The following CPS1 variants were observed in gnomAD, a reference collection of about 807,000 sequenced individuals.
The protein encoded by CPS1 is carbamoyl-phosphate synthase [ammonia], mitochondrial.
A neutral mutation model predicts 174.6 loss-of-function variants in CPS1; 109 were observed. The ratio of observed to expected loss-of-function variants is 0.62; its 90% CI spans 0.53 to 0.73. The LOEUF is 0.73. CPS1 is among the 30% of genes least tolerant of loss of function. The pLI, the probability that CPS1 is intolerant of heterozygous loss-of-function variation, is 0.00. For synonymous variants in CPS1, 637 were observed against 632.0 expected (o/e 1.01, Z -0.12); for missense variants, 1,689 against 1,821.9 (o/e 0.93, Z 1.33).
intron 1 of CPS1, among the ~76,000 whole-genome samples, chr2:210,483,109 A>T (rs910288515): frequency 6.6e-6 from 1 of 152,148 alleles, no homozygotes; most frequent in Non-Finnish European, 1.5e-5. Flanking sequence ...ATACCCTTTC[A>T]TCTTGGGGCC....
rs565730008 is a variant in CPS1, at chr2:210,533,030, A to T, written c.4-23689A>T. 3.3e-5 allele frequency among the ~76,000 whole-genome samples: 5 copies of T among 152,256 alleles called. No individual in the cohort carries two copies. In the South Asian group the frequency reaches 1.0e-3, roughly 32 times the overall value. On this transcript the variant is annotated intron_variant, in intron 1 of 38. Transcript: ENST00000430249. ...AAACAAGGGGCCAATTAACTTGGGA[A>T]ATGTGGGGAAGAGCAACGGTGAGCG...
chr2:210,591,068 A>G (rs1052980713), intron 9 of CPS1, among the ~76,000 whole-genome samples, 162 bp downstream of exon 9: 3 of 151,202 alleles, frequency 2.0e-5, no homozygotes, highest in Non-Finnish European at 4.4e-5. Flanking sequence ...AAATAAATAA[A>G]TAAAATAAAA....
At chr2:210,629,054 CTA>C (rs1699781314) in intron 21 of CPS1, among the ~76,000 whole-genome samples, 1 of 152,112 alleles carries the variant, frequency 6.6e-6, no homozygotes, top group Non-Finnish European at 1.5e-5. Context: ...TCCCTATTTT[CTA>C]TGAGGCCTTA....
At chr2:210,498,228 C>G (rs1695053083) in intron 1 of CPS1, among the ~76,000 whole-genome samples, 2 of 151,798 alleles carry the variant, frequency 1.3e-5, no homozygotes, top group South Asian at 4.2e-4. Flanking sequence ...TGTATGTCTT[C>G]TTGTTAGAAG....
intron 1 of CPS1, among the ~76,000 whole-genome samples, chr2:210,491,265 T>G (rs1287133467): frequency 6.6e-6 from 1 of 151,762 alleles, no homozygotes; most frequent in Non-Finnish European, 1.5e-5. Flanking sequence ...TGTTGGATAT[T>G]TTGAAATGTT....
intron 21 of CPS1, among the ~76,000 whole-genome samples, chr2:210,635,272 C>T (rs1324574787): frequency 6.6e-6 from 1 of 152,124 alleles, no homozygotes; most frequent in Non-Finnish European, 1.5e-5. Context: ...GCTCTGTTCT[C>T]ATCCCTCCAC....
intron 1 of CPS1, among the ~76,000 whole-genome samples, chr2:210,525,384 C>A (rs1574492278): frequency 6.6e-6 from 1 of 151,942 alleles, no homozygotes; most frequent in East Asian, 1.9e-4. Flanking sequence ...CTTGTTCACT[C>A]ACCTGTCCTC....
At chr2:210,635,477 A>T (rs980346100) in intron 21 of CPS1, among the ~76,000 whole-genome samples, 1 of 152,226 alleles carries the variant, frequency 6.6e-6, no homozygotes, top group Non-Finnish European at 1.5e-5. Context: ...TGTAATCTGC[A>T]CTGTCTGACA....
At position 210,590,791 on chromosome 2, in the gene CPS1, CT is replaced by C. The variant is rs745402454; in HGVS notation, c.841-8del. The C allele has an allele frequency of 1.1e-5, 17 of 1,606,472 alleles. No individual in the cohort carries two copies. In the South Asian group the frequency reaches 1.5e-4, roughly 15 times the overall value. On this transcript the variant is annotated splice_region_variant and splice_polypyrimidine_tract_variant and intron_variant, in intron 8 of 37. Transcript: ENST00000233072. ...ACTAATTGGTTAATAAAAATTCTCC[CT>C]GATTTAGATTTTGGAGAGTGATCGC...
chr2:210,544,524 A>G (rs184815877), intron 1 of CPS1, among the ~76,000 whole-genome samples: 1 of 152,200 alleles, frequency 6.6e-6, no homozygotes, highest in East Asian at 1.9e-4. Flanking sequence ...ATTTAATATT[A>G]AAACTCCTAA....
At position 210,637,858 on chromosome 2, in the gene CPS1, CT is replaced by C; in HGVS notation, c.2829+19del. 3 of 1,613,610 alleles carry C rather than the reference CT, an allele frequency of 1.9e-6. No homozygotes were observed. Among genetic ancestry groups the C allele is most frequent in the Non-Finnish European group, 2.5e-6 (3 of 1,179,726 alleles). On this transcript the variant is annotated intron_variant, in intron 22 of 37. Transcript: ENST00000233072. Reference sequence around the variant, plus strand: ...GGGTTAAACAGGTAAAGGAGTTTCCCTTTTCCCCCATCCCCCACTGACAGGA... The same window carrying C: ...GGGTTAAACAGGTAAAGGAGTTTCCCTTTCCCCCATCCCCCACTGACAGGA...
intron 16 of CPS1, 24 bp downstream of exon 16, chr2:210,602,354 T>C (rs1420921245): frequency 6.2e-7 from 1 of 1,612,088 alleles, no homozygotes; most frequent in South Asian, 1.1e-5. Context: ...TAGACAATAT[T>C]CTTACCAACC....
At chr2:210,667,509 T>C (rs1280204312) in intron 33 of CPS1, among the ~76,000 whole-genome samples, 1 of 152,168 alleles carries the variant, frequency 6.6e-6, no homozygotes, top group Admixed American at 6.5e-5. Flanking sequence ...AACTTCTGTA[T>C]ACTCTAACAT....
At chr2:210,612,392 C>T (rs1699161839) in intron 20 of CPS1, 99 bp downstream of exon 20, 2 of 1,456,312 alleles carry the variant, frequency 1.4e-6, no homozygotes, top group East Asian at 4.7e-5. Flanking sequence ...GGTTTTAAAT[C>T]AGGGATTTTT....
chr2:210,676,925 AAG>A lies in CPS1; in HGVS notation c.4275-77_4275-76del. On this transcript the variant is annotated intron_variant, in intron 36 of 37. Coordinates refer to ENST00000233072, the MANE Select transcript of CPS1 (RefSeq NM_001875.5). ...CAGCATGGCATTGACTTGAATGGCTAAGAGAGCAATTTATGTTAGTATTTTAT... is the reference window on the plus strand; with the variant it reads ...CAGCATGGCATTGACTTGAATGGCTAAGAGCAATTTATGTTAGTATTTTAT... 8 of 1,410,070 alleles carry A rather than the reference AAG, an allele frequency of 5.7e-6. No individual in the cohort carries two copies. The South Asian group carries it at 9.3e-5, about 16-fold the overall frequency. 87.3% of individuals were successfully genotyped at this position (1,410,070 alleles called of 1,614,324 possible).
rs548729607 is a variant in CPS1, at chr2:210,597,577, G to T, written c.1360-1795G>T. Among the ~76,000 whole-genome samples the T allele has an allele frequency of 3.3e-5, 5 of 151,870 alleles. No homozygotes were observed. In the South Asian group the frequency reaches 6.2e-4, roughly 19 times the overall value. On this transcript the variant is annotated intron_variant, in intron 13 of 37. Transcript: ENST00000233072. ...TTATTCAGATCCTCCCCAAAGATATGTGGGGTTTTCAATAATAATTTCTAT... is the reference window on the plus strand; with the variant it reads ...TTATTCAGATCCTCCCCAAAGATATTTGGGGTTTTCAATAATAATTTCTAT...
intron 6 of CPS1, among the ~76,000 whole-genome samples, chr2:210,586,985 A>G (rs1055378898): frequency 2.0e-5 from 3 of 152,052 alleles, no homozygotes; most frequent in Non-Finnish European, 2.9e-5. Flanking sequence ...GAAAAGATCT[A>G]TACTTTTTCA....
chr2:210,513,286 A>G, intron 1 of CPS1, among the ~76,000 whole-genome samples: 1 of 151,392 alleles, frequency 6.6e-6, no homozygotes, highest in Non-Finnish European at 1.5e-5. Flanking sequence ...GCTAATTTAC[A>G]TTCCCTTCAA....
chr2:210,495,505 A>T (rs1218265023), intron 1 of CPS1, among the ~76,000 whole-genome samples: 1 of 152,220 alleles, frequency 6.6e-6, no homozygotes, highest in African/African-American at 2.4e-5. Context: ...GTTTAAATAA[A>T]AACAGTGTCA....
Sources: allele counts gnomAD v4.1 joint callset (sites outside exome capture counted in the v4.1 genomes callset), GRCh38; gene constraint gnomAD v4.1.1; transcripts MANE v1.5; gene names NCBI Gene and HGNC (gene_info 2026-07-23, HGNC 2026-07-21).